The following PCSK5 variants were observed in gnomAD, a reference collection of about 807,000 sequenced individuals.
PCSK5 encodes the protein proprotein convertase subtilisin/kexin type 5.
In PCSK5, 129 loss-of-function variants were observed where a neutral mutation model predicts 233.2. The ratio of observed to expected loss-of-function variants is 0.55; its 90% confidence interval spans 0.48 to 0.64. PCSK5 has a LOEUF of 0.64. Ranked by LOEUF, PCSK5 falls within the 30% of genes least tolerant of loss-of-function variation. The pLI, the probability that PCSK5 is intolerant of heterozygous loss-of-function variation, is 0.00. For missense variants in PCSK5, 2,076 were observed against 2,430.1 expected, an observed-to-expected ratio of 0.85 and a Z score of 3.06; for synonymous variants, 825 against 879.2, an observed-to-expected ratio of 0.94 and a Z score of 1.09.
At chr9:76,135,550 A>G (rs1822935340) in intron 10 of PCSK5, among the ~76,000 whole-genome samples, 1 of 152,100 alleles carries the variant, frequency 6.6e-6, no homozygotes, top group African/African-American at 2.4e-5. Context: ...CATTCTCTGA[A>G]GCCCAAATCA....
intron 24 of PCSK5, among the ~76,000 whole-genome samples, chr9:76,246,761 G>A (rs1023415871): frequency 1.4e-4 from 21 of 152,318 alleles, no homozygotes; most frequent in African/African-American, 4.8e-4. Context: ...GAGCAAAGAC[G>A]ATCCGTATGA....
At chr9:75,930,025 G>A (rs1338476569) in intron 1 of PCSK5, among the ~76,000 whole-genome samples, 3 of 152,088 alleles carry the variant, frequency 2.0e-5, no homozygotes, top group East Asian at 1.9e-4. Flanking sequence ...ACCACGCCCA[G>A]CTGATTTTTG....
At chr9:76,238,812 T>C in intron 22 of PCSK5, 147 bp from the exon 23 acceptor site, 1 of 611,642 alleles carries the variant, frequency 1.6e-6, no homozygotes, top group Non-Finnish European at 2.9e-6. Context: ...ATTGCACTTT[T>C]CATTAAATCC....
chr9:76,109,455 C>G (rs1421885409), intron 9 of PCSK5, among the ~76,000 whole-genome samples: 1 of 147,270 alleles, frequency 6.8e-6, no homozygotes, highest in East Asian at 2.0e-4. Flanking sequence ...AAAAACAGTT[C>G]TTTTAATCAC....
At chr9:76,038,242 A>G (rs999386230) in intron 5 of PCSK5, among the ~76,000 whole-genome samples, 2 of 152,106 alleles carry the variant, frequency 1.3e-5, no homozygotes, top group African/African-American at 4.8e-5. Context: ...AGGTTGTCAC[A>G]TATCCTTTTC....
intron 2 of PCSK5, among the ~76,000 whole-genome samples, chr9:75,969,048 G>A (rs150365520): frequency 6.7e-6 from 1 of 150,070 alleles, no homozygotes; most frequent in East Asian, 2.0e-4. Context: ...GTGGGGGGGC[G>A]GTTCTGGCAT....
At chr9:76,045,983 C>T (rs1587545308) in intron 5 of PCSK5, among the ~76,000 whole-genome samples, 2 of 152,054 alleles carry the variant, frequency 1.3e-5, no homozygotes, top group African/African-American at 4.8e-5. Context: ...CTACATTTTC[C>T]CAAACTATTC....
chr9:76,328,878 G>A (rs1374655796), intron 33 of PCSK5, among the ~76,000 whole-genome samples: 2 of 151,526 alleles, frequency 1.3e-5, no homozygotes, highest in Non-Finnish European at 2.9e-5. Context: ...GTATGATCTC[G>A]GCTCACTGCA....
In PCSK5 at chr9:76,273,715, C is replaced by T. The variant is rs532089340; in HGVS notation, c.3143-18518C>T. On this transcript the variant is annotated intron_variant, in intron 24 of 37. Transcript: ENST00000674117. ...TGGTGCGATCATAGCTCACTATAGC[C>T]TGAAACTCCTGGGCTCTAGAGATCC... Among the ~76,000 whole-genome samples, 9 of 151,328 alleles carry T rather than the reference C, an allele frequency of 5.9e-5. No homozygotes were observed. In the South Asian group the frequency reaches 1.7e-3, roughly 28 times the overall value.
At chr9:75,952,134 G>T (rs35412770) in intron 2 of PCSK5, among the ~76,000 whole-genome samples, 4 of 152,018 alleles carry the variant, frequency 2.6e-5, no homozygotes, top group Admixed American at 1.3e-4. Context: ...ATTTTTTGAT[G>T]CATTTCAAAG....
At position 76,175,172 on chromosome 9, in the gene PCSK5, T is replaced by C. The variant is rs374706017; in HGVS notation, c.1900+43T>C. On this transcript the variant is annotated intron_variant, in intron 14 of 37. Coordinates refer to ENST00000674117, the MANE Select transcript of PCSK5 (RefSeq NM_001372043.1). ...GGGACACAGGCTAAAAAGAGGCAGCTCATGCATCATCCCACCACATGGGAG... is the reference window on the plus strand; with the variant it reads ...GGGACACAGGCTAAAAAGAGGCAGCCCATGCATCATCCCACCACATGGGAG... 11 of 1,580,768 alleles carry C rather than the reference T, an allele frequency of 7.0e-6. No individual in the cohort carries two copies. In the Admixed American group the frequency reaches 8.5e-5, roughly 12 times the overall value.
Position 75,941,975 on chromosome 9 carries a change from C to CT in PCSK5, c.297+9495dup. 2.6e-5 allele frequency among the ~76,000 whole-genome samples: 4 copies of CT among 152,362 alleles called. No individual in the cohort carries two copies. The Middle Eastern group carries it at 0.014, about 518-fold the overall frequency. ...TATTTAAAAAATGATTTCTCAGCTA[C>CT]TTTGGCAAGGCTGCCAAATCTTTAT... On this transcript the variant is annotated intron_variant, in intron 2 of 37. Transcript: ENST00000674117.
intron 5 of PCSK5, among the ~76,000 whole-genome samples, chr9:76,047,196 A>G (rs1829448298): frequency 6.6e-6 from 1 of 150,932 alleles, no homozygotes; most frequent in South Asian, 2.1e-4. Flanking sequence ...TCCTGGGTTC[A>G]CGCCATTCTC....
chr9:76,013,997 TG>T (rs1197482415), intron 3 of PCSK5, among the ~76,000 whole-genome samples: 2 of 151,994 alleles, frequency 1.3e-5, no homozygotes, highest in Non-Finnish European at 2.9e-5. Flanking sequence ...TGAAGTCCGT[TG>T]GTTGTGCTTA....
chr9:76,079,427 C>T (rs543928182), intron 7 of PCSK5, among the ~76,000 whole-genome samples: 2 of 152,116 alleles, frequency 1.3e-5, no homozygotes, highest in African/African-American at 4.8e-5. Flanking sequence ...CATGAGCCAC[C>T]ACAACCGGCC....
At chr9:76,170,359 C>G (rs11144773) in intron 13 of PCSK5, among the ~76,000 whole-genome samples, 49,350 of 152,156 alleles carry the variant, frequency 0.32, 8,468 homozygotes, top group Non-Finnish European at 0.39. Flanking sequence ...AAAAAGAAAC[C>G]CTTCTTGACA....
intron 5 of PCSK5, among the ~76,000 whole-genome samples, chr9:76,034,363 A>G (rs922623110): frequency 1.3e-5 from 2 of 152,136 alleles, no homozygotes; most frequent in African/African-American, 2.4e-5. Flanking sequence ...GTCTTCCCCT[A>G]TCCTGCTCCC....
intron 23 of PCSK5, 129 bp from the exon 24 acceptor site, chr9:76,240,487 G>A (rs1315924223): frequency 7.5e-6 from 5 of 667,152 alleles, no homozygotes; most frequent in East Asian, 2.7e-5. Context: ...CCTCGAGGAC[G>A]GTTTTGGGCT....
In PCSK5 at chr9:76,014,883, A is replaced by G. The variant is rs536293925; in HGVS notation, c.412-8855A>G. Among the ~76,000 whole-genome samples, 13 of 152,260 alleles carry G rather than the reference A, an allele frequency of 8.5e-5. 1 individual carries two copies. In the South Asian group the frequency reaches 1.5e-3, roughly 17 times the overall value. ...AGATGAAGATTTCTAGATCTTATTT[A>G]TACCTTCATTACCTGTATTATATAT... On this transcript the variant is annotated intron_variant, in intron 3 of 37. Coordinates refer to ENST00000674117, the MANE Select transcript of PCSK5 (RefSeq NM_001372043.1).
Sources: allele counts gnomAD v4.1 joint callset (sites outside exome capture counted in the v4.1 genomes callset), GRCh38; gene constraint gnomAD v4.1.1; transcripts MANE v1.5; gene names NCBI Gene and HGNC (gene_info 2026-07-23, HGNC 2026-07-21).